CELF4: variants seen among roughly 807,000 people sequenced by gnomAD.
CELF4 encodes the protein CUGBP Elav-like family member 4, also known as CUG-BP- and ETR-3-like factor 4.
Under a neutral mutation model 59.9 loss-of-function variants are expected in CELF4, and 18 were observed. The observed-to-expected ratio is 0.30, with a 90% CI of 0.21 to 0.45. The LOEUF (loss-of-function observed/expected upper bound fraction) is 0.45, where lower values mean the gene tolerates loss of function less well. CELF4 is among the 20% of genes least tolerant of loss of function. The pLI is 1.00. For synonymous variants in CELF4, 261 were observed against 267.1 expected (o/e 0.98, Z 0.22); for missense variants, 456 against 689.0 (o/e 0.66, Z 3.79).
intron 1 of CELF4, among the ~76,000 whole-genome samples, chr18:37,545,456 C>T (rs2099980806): frequency 1.3e-5 from 2 of 152,292 alleles, no homozygotes; most frequent in Middle Eastern, 3.4e-3. Context: ...AGAGATGAGG[C>T]AAAGAGAATA....
intron 1 of CELF4, among the ~76,000 whole-genome samples, chr18:37,541,049 A>C (rs1474596821): frequency 6.6e-6 from 1 of 152,142 alleles, no homozygotes; most frequent in Non-Finnish European, 1.5e-5. Context: ...TGCTCAGTCC[A>C]CACTGAGGAG....
At chr18:37,431,685 G>A (rs998613281) in intron 2 of CELF4, among the ~76,000 whole-genome samples, 15 of 152,096 alleles carry the variant, frequency 9.9e-5, no homozygotes, top group African/African-American at 3.6e-4. Flanking sequence ...CTCCTTCTAA[G>A]TTATGTGAAA....
chr18:37,315,738 C>T lies in CELF4; in HGVS notation c.448+6065G>A, dbSNP rs116403312. Among the ~76,000 whole-genome samples, 718 of 152,284 alleles carry T rather than the reference C, an allele frequency of 4.7e-3. 9 individuals carry two copies. The highest frequency in any genetic ancestry group is 0.016 in the African/African-American group (672 of 41,548). The stretch of plus-strand genomic sequence containing the variant: ...GAAAGAAACGTCCTCCCCAGGGACA[C>T]AGGGGAGATAGCACGCATCTGCAGT... On this transcript the variant is annotated intron_variant, in intron 3 of 12. Transcript: ENST00000420428.
At chr18:37,495,514 A>T (rs11663688) in intron 1 of CELF4, among the ~76,000 whole-genome samples, 1 of 152,022 alleles carries the variant, frequency 6.6e-6, no homozygotes, top group Non-Finnish European at 1.5e-5. Flanking sequence ...TCAGCACATA[A>T]GAATCACACC....
intron 1 of CELF4, among the ~76,000 whole-genome samples, chr18:37,559,192 T>TC (rs2154606219): frequency 6.6e-6 from 1 of 152,218 alleles, no homozygotes; most frequent in East Asian, 1.9e-4. Context: ...CCAGATTTTC[T>TC]CCTTTTCTCC....
chr18:37,331,838 C>A (rs575352881), intron 2 of CELF4, among the ~76,000 whole-genome samples: 1 of 151,604 alleles, frequency 6.6e-6, no homozygotes, highest in Non-Finnish European at 1.5e-5. Flanking sequence ...GGCAAGTCGC[C>A]GAGGGTGGGA....
chr18:37,270,525 G>A (rs2090651121), intron 8 of CELF4, among the ~76,000 whole-genome samples: 1 of 152,204 alleles, frequency 6.6e-6, no homozygotes, highest in Non-Finnish European at 1.5e-5. Context: ...GGGAGCACCT[G>A]GAATGGGGAT....
At chr18:37,311,666 A>G (rs559370129) in intron 3 of CELF4, among the ~76,000 whole-genome samples, 172 of 151,138 alleles carry the variant, frequency 1.1e-3, no homozygotes, top group Admixed American at 2.8e-3. Flanking sequence ...GCACGCGCCT[A>G]TAATCCCAGC....
At chr18:37,495,349 C>T (rs2099923991) in intron 1 of CELF4, among the ~76,000 whole-genome samples, 1 of 152,096 alleles carries the variant, frequency 6.6e-6, no homozygotes, top group African/African-American at 2.4e-5. Flanking sequence ...AGGGAAACCA[C>T]CTCCCTCCTC....
chr18:37,436,402 C>A (rs2099692714), intron 2 of CELF4, among the ~76,000 whole-genome samples: 1 of 152,204 alleles, frequency 6.6e-6, no homozygotes, highest in African/African-American at 2.4e-5. Flanking sequence ...GTCTTATCCT[C>A]TAGAGACCCT....
chr18:37,473,327 C>G (rs1167859450), intron 2 of CELF4: 1 of 152,040 alleles, frequency 6.6e-6, no homozygotes, highest in Non-Finnish European at 1.5e-5. Context: ...GGGTGTGAGA[C>G]CACTGGTGCA....
At chr18:37,430,316 C>A (rs940422834) in intron 2 of CELF4, among the ~76,000 whole-genome samples, 2 of 152,170 alleles carry the variant, frequency 1.3e-5, no homozygotes, top group Non-Finnish European at 2.9e-5. Flanking sequence ...CATCTCAACA[C>A]GAAGACTGAT....
chr18:37,474,009 G>A (rs748754450), intron 2 of CELF4: 5 of 152,234 alleles, frequency 3.3e-5, no homozygotes, highest in Non-Finnish European at 5.9e-5. Flanking sequence ...AGAAGGGACA[G>A]AGGCAGCTGG....
At chr18:37,256,300 A>G (rs967319375) in intron 11 of CELF4, among the ~76,000 whole-genome samples, 11 of 152,214 alleles carry the variant, frequency 7.2e-5, no homozygotes, top group African/African-American at 2.4e-4. Context: ...GGTATCTGGA[A>G]GATTCTGCTC....
At chr18:37,448,984 T>C (rs1298513192) in intron 2 of CELF4, among the ~76,000 whole-genome samples, 1 of 152,194 alleles carries the variant, frequency 6.6e-6, no homozygotes, top group East Asian at 1.9e-4. Flanking sequence ...CCAATGGGTT[T>C]GTCCAAGCAG....
chr18:37,262,512 G>C (rs893768968), intron 10 of CELF4, among the ~76,000 whole-genome samples: 1 of 152,142 alleles, frequency 6.6e-6, no homozygotes, highest in Non-Finnish European at 1.5e-5. Context: ...AGGGGCAGGA[G>C]GGCCCATGGG....
At chr18:37,265,390 C>A (rs2077052709) in intron 9 of CELF4, among the ~76,000 whole-genome samples, 1 of 152,070 alleles carries the variant, frequency 6.6e-6, no homozygotes, top group Non-Finnish European at 1.5e-5. Context: ...TTAAAAACAC[C>A]AAAATGGCCT....
intron 2 of CELF4, among the ~76,000 whole-genome samples, chr18:37,369,600 T>G (rs1028265088): frequency 6.6e-6 from 1 of 152,226 alleles, no homozygotes; most frequent in Admixed American, 6.5e-5. Context: ...TTTCACCATC[T>G]CTGCCCTCGT....
chr18:37,518,535 C>T (rs2099953531), intron 1 of CELF4, among the ~76,000 whole-genome samples: 1 of 152,116 alleles, frequency 6.6e-6, no homozygotes. Flanking sequence ...AACAGAGAAT[C>T]AGAGATTCTA....
Sources: allele counts gnomAD v4.1 joint callset (sites outside exome capture counted in the v4.1 genomes callset), GRCh38; gene constraint gnomAD v4.1.1; transcripts MANE v1.5; gene names NCBI Gene and HGNC (gene_info 2026-07-23, HGNC 2026-07-21).